Variants in CSTL1 observed in about 807,000 individuals in gnomAD.
CSTL1 encodes cystatin like 1.
A neutral mutation model predicts 14.4 loss-of-function variants in CSTL1; 14 were observed. The ratio of observed to expected loss-of-function variants is 0.97; its 90% confidence interval spans 0.64 to 1.52. The LOEUF is 1.52. Among genes scored for constraint, CSTL1 ranks in the 40% most tolerant of loss-of-function variants. CSTL1 has a pLI of 0.00. For missense variants in CSTL1, 170 were observed against 168.7 expected (o/e 1.01, Z -0.04); for synonymous variants, 72 against 67.5 (o/e 1.07, Z -0.33).
downstream of CSTL1, among the ~76,000 whole-genome samples, chr20:23,447,055 A>G (rs888940214): frequency 1.8e-4 from 27 of 152,240 alleles, no homozygotes; most frequent in Non-Finnish European, 2.4e-4. Context: ...CTGGGTGACC[A>G]GCACTGGCCT....
At chr20:23,454,065 C>A in the CSTL1 span, among the ~76,000 whole-genome samples, 6 of 151,462 alleles carry the variant, frequency 4.0e-5, no homozygotes, top group African/African-American at 1.2e-4. Context: ...ACACACATAC[C>A]GCCACACATG....
At chr20:23,454,957 G>A in the CSTL1 span, among the ~76,000 whole-genome samples, 3 of 152,126 alleles carry the variant, frequency 2.0e-5, no homozygotes, top group South Asian at 6.2e-4. Flanking sequence ...TGAAATTGTT[G>A]TTTGAGACAT....
At chr20:23,447,467 C>CT (rs34114094), downstream of CSTL1, among the ~76,000 whole-genome samples, 869 of 136,780 alleles carry the variant, frequency 6.4e-3, 6 homozygotes, top group African/African-American at 0.014. Flanking sequence ...TTTTCTTTTT[C>CT]TTTTTTTTTT....
chr20:23,450,841 G>A, the CSTL1 span, among the ~76,000 whole-genome samples: 2 of 152,110 alleles, frequency 1.3e-5, no homozygotes, highest in African/African-American at 4.8e-5. Context: ...ATTCACCATG[G>A]GTACTGCTGA....
At chr20:23,456,584 C>G in the CSTL1 span, among the ~76,000 whole-genome samples, 2 of 152,082 alleles carry the variant, frequency 1.3e-5, no homozygotes, top group African/African-American at 4.8e-5. Flanking sequence ...CCATCGCTAG[C>G]AGCCCCTCCC....
the CSTL1 span, chr20:23,452,503 G>T: frequency 1.2e-6 from 1 of 860,746 alleles, no homozygotes; most frequent in South Asian, 1.4e-5. Flanking sequence ...AATTTCCCTT[G>T]AGTGGGACTA....
chr20:23,458,868 A>AG, the CSTL1 span, among the ~76,000 whole-genome samples: 1 of 152,150 alleles, frequency 6.6e-6, no homozygotes, highest in Non-Finnish European at 1.5e-5. Flanking sequence ...CACCTTCCCT[A>AG]GACCATTTGG....
the CSTL1 span, among the ~76,000 whole-genome samples, chr20:23,461,207 G>GGT: frequency 6.6e-6 from 1 of 151,766 alleles, no homozygotes; most frequent in Non-Finnish European, 1.5e-5. Flanking sequence ...TTTTAATTAA[G>GGT]GTATATATAT....
At chr20:23,444,970 C>T, downstream of CSTL1, 1 of 804,316 alleles carries the variant, frequency 1.2e-6, no homozygotes, top group Non-Finnish European at 2.2e-6. Flanking sequence ...TGCACACACA[C>T]ACATGCACAC....
chr20:23,446,314 G>A (rs1329988825), downstream of CSTL1, among the ~76,000 whole-genome samples: 1 of 151,238 alleles, frequency 6.6e-6, no homozygotes, highest in East Asian at 2.0e-4. Context: ...GGAGTGCCGT[G>A]GCACGATCTT....
rs753739558 is a variant in CSTL1, at chr20:23,440,446, A to G, written c.179A>G (p.Tyr60Cys). The G allele has an allele frequency of 6.2e-7, 1 of 1,614,110 alleles. No individual in the cohort carries two copies. Among genetic ancestry groups the G allele is most frequent in the Admixed American group, 1.7e-5 (1 of 60,032 alleles). ...TACAACAATGCCAGCAACGACACCTACTTATATCGAGTCCAGAGGCTAATT... is the reference window on the plus strand; with the variant it reads ...TACAACAATGCCAGCAACGACACCTGCTTATATCGAGTCCAGAGGCTAATT... ...QSYNNASNDT[Y>C]LYRVQRLIRS... Residue 60 changes from tyrosine to cysteine, a missense_variant, in exon 2 of 4, where the codon TAC becomes TGC. Tyr to Cys is a radical substitution (Grantham distance 194). Coordinates refer to ENST00000347397, the MANE Select transcript of CSTL1 (RefSeq NM_138283.1).
At chr20:23,447,450 T>G (rs1358661402), downstream of CSTL1, among the ~76,000 whole-genome samples, 1 of 148,434 alleles carries the variant, frequency 6.7e-6, no homozygotes, top group African/African-American at 2.6e-5. Flanking sequence ...TACATGTACT[T>G]CTTTTCTTTT....
downstream of CSTL1, among the ~76,000 whole-genome samples, chr20:23,446,599 G>A (rs1023602160): frequency 6.6e-5 from 10 of 152,306 alleles, no homozygotes; most frequent in African/African-American, 2.4e-4. Context: ...CGGGCCGTGC[G>A]AACTCATTTC....
the CSTL1 span, among the ~76,000 whole-genome samples, chr20:23,455,821 G>T: frequency 6.6e-6 from 1 of 152,224 alleles, no homozygotes; most frequent in Non-Finnish European, 1.5e-5. Flanking sequence ...AGTGGCCCGT[G>T]GGTTCTCTTC....
downstream of CSTL1, among the ~76,000 whole-genome samples, chr20:23,447,448 C>CTTCTT (rs1399637919): frequency 1.3e-5 from 2 of 149,304 alleles, no homozygotes; most frequent in South Asian, 2.1e-4. Context: ...ATTACATGTA[C>CTTCTT]TTCTTTTCTT....
At chr20:23,451,808 C>A in the CSTL1 span, 1 of 1,609,166 alleles carries the variant, frequency 6.2e-7, no homozygotes, top group Non-Finnish European at 8.5e-7. Flanking sequence ...AGTGCTTTTA[C>A]CCAATACCTT....
Position 23,443,962 on chromosome 20 carries a change from C to T in CSTL1, c.248C>T (p.Thr83Ile), listed in dbSNP as rs1005451830. Residue 83 changes from threonine (T) to isoleucine (I), a missense_variant, in exon 3 of 4, where the codon ACT becomes ATT. Thr to Ile is a moderately conservative substitution (Grantham distance 89, BLOSUM62 -1). Transcript: ENST00000347397. ...QLTTGVEYIV[T>I]VKIGWTKCKR... is the part of the protein sequence containing the mutation. Reference sequence around the variant, plus strand: ...ACGACGGGAGTGGAGTATATAGTCACTGTGAAGATTGGCTGGACCAAATGC... The same window carrying T: ...ACGACGGGAGTGGAGTATATAGTCATTGTGAAGATTGGCTGGACCAAATGC... The T allele has an allele frequency of 3.7e-6, 6 of 1,613,980 alleles. No homozygotes were observed. The African/African-American group carries it at 8.0e-5, about 22-fold the overall frequency.
At chr20:23,439,878 C>T (rs776469387) in intron 1 of CSTL1, 72 bp downstream of exon 1, 11 of 248,272 alleles carry the variant, frequency 4.4e-5, no homozygotes, top group Non-Finnish European at 7.2e-5. Context: ...TTACCTTCTC[C>T]GTAAGGCCGC....
the CSTL1 span, chr20:23,452,606 C>T: frequency 1.2e-5 from 19 of 1,612,928 alleles, no homozygotes; most frequent in Middle Eastern, 4.9e-4. Flanking sequence ...TTTAAGGACT[C>T]GGAAGATCCT....
Sources: gnomAD v4.1 joint callset for allele counts (sites outside exome capture counted in the v4.1 genomes callset) on GRCh38, gnomAD v4.1.1 for gene constraint, MANE v1.5 for transcripts, NCBI Gene and HGNC (gene_info 2026-07-23, HGNC 2026-07-21) for gene names.